ZNF438: variants seen among roughly 807,000 people sequenced by gnomAD.
ZNF438 encodes zinc finger protein 438.
In ZNF438, 25 loss-of-function variants were observed where a neutral mutation model predicts 38.0. The observed-to-expected ratio is 0.66, with a 90% confidence interval of 0.48 to 0.92. The LOEUF (loss-of-function observed/expected upper bound fraction) is 0.92, where lower values mean the gene tolerates loss of function less well. Ranked by LOEUF, ZNF438 falls within the 40% of genes least tolerant of loss-of-function variation. The probability of loss-of-function intolerance (pLI) is 0.00; values close to 1 mark genes in which losing one functional copy is unlikely to be tolerated. For synonymous variants in ZNF438, 372 were observed against 364.1 expected, an observed-to-expected ratio of 1.02 and a Z score of -0.25; for missense variants, 1,007 against 999.6, an observed-to-expected ratio of 1.01 and a Z score of -0.10.
Position 30,994,402 on chromosome 10 carries a change from G to T in ZNF438, c.-192+37431C>A, listed in dbSNP as rs186462065. Among the ~76,000 whole-genome samples, 65 of 152,338 alleles carry T rather than the reference G, an allele frequency of 4.3e-4. 1 individual carries two copies. The East Asian group carries it at 0.01, about 23-fold the overall frequency. On this transcript the variant is annotated intron_variant, in intron 1 of 5. Transcript: ENST00000413025. The stretch of plus-strand genomic sequence containing the variant: ...GGGTTCTGCTCTCATGAATGGATTA[G>T]TAGATTAATAAGTTACTGGATTAAT...
intron 2 of ZNF438, among the ~76,000 whole-genome samples, chr10:30,924,790 G>A (rs934257634): frequency 1.3e-5 from 2 of 152,120 alleles, no homozygotes; most frequent in Admixed American, 6.5e-5. Flanking sequence ...TATGGCTATT[G>A]AATGCAATGT....
chr10:30,874,402 A>G (rs1184273486), intron 4 of ZNF438, among the ~76,000 whole-genome samples: 1 of 151,920 alleles, frequency 6.6e-6, no homozygotes, highest in Non-Finnish European at 1.5e-5. Flanking sequence ...CTCCCACCTC[A>G]GCCTCCCAAA....
At chr10:30,985,637 C>T (rs2052689333) in intron 1 of ZNF438, among the ~76,000 whole-genome samples, 1 of 152,208 alleles carries the variant, frequency 6.6e-6, no homozygotes, top group African/African-American at 2.4e-5. Flanking sequence ...TTAATTGCTA[C>T]TTAAAAATCA....
chr10:30,945,440 G>T (rs2047288075), intron 1 of ZNF438, among the ~76,000 whole-genome samples: 2 of 146,654 alleles, frequency 1.4e-5, no homozygotes, highest in Non-Finnish European at 1.5e-5. Flanking sequence ...TTAAGTTTTA[G>T]GTGCACATTG....
intron 3 of ZNF438, among the ~76,000 whole-genome samples, chr10:30,885,106 T>C (rs1281254193): frequency 6.6e-6 from 1 of 152,254 alleles, no homozygotes; most frequent in Non-Finnish European, 1.5e-5. Context: ...CACACTGACA[T>C]ACTGTCATTC....
intron 2 of ZNF438, among the ~76,000 whole-genome samples, chr10:30,918,802 A>G (rs1039872230): frequency 3.9e-5 from 6 of 152,174 alleles, no homozygotes; most frequent in African/African-American, 1.4e-4. Flanking sequence ...TTTTAAGTAG[A>G]TTATCTGATG....
At chr10:30,901,407 G>C (rs763417765) in intron 3 of ZNF438, among the ~76,000 whole-genome samples, 2 of 151,604 alleles carry the variant, frequency 1.3e-5, no homozygotes, top group Non-Finnish European at 2.9e-5. Flanking sequence ...TCTTAAAGGC[G>C]GCACGTCCGG....
chr10:30,905,213 A>G (rs538711123), intron 3 of ZNF438, among the ~76,000 whole-genome samples: 1 of 152,342 alleles, frequency 6.6e-6, no homozygotes, highest in South Asian at 2.1e-4. Context: ...TTTCCGAACA[A>G]ATTTTCCATT....
intron 2 of ZNF438, among the ~76,000 whole-genome samples, chr10:30,922,329 G>A (rs938062709): frequency 2.6e-5 from 4 of 152,160 alleles, no homozygotes; most frequent in Non-Finnish European, 4.4e-5. Flanking sequence ...TGTGATGGTT[G>A]TCATGGAGGC....
chr10:30,991,915 G>C (rs1478115636), intron 1 of ZNF438, among the ~76,000 whole-genome samples: 1 of 152,178 alleles, frequency 6.6e-6, no homozygotes, highest in Non-Finnish European at 1.5e-5. Context: ...TGATCAAACA[G>C]TGGCTGAACA....
chr10:30,907,079 A>G (rs915455285), intron 3 of ZNF438, among the ~76,000 whole-genome samples: 1 of 152,154 alleles, frequency 6.6e-6, no homozygotes, highest in Non-Finnish European at 1.5e-5. Context: ...GGTTCAAGCT[A>G]TTCACCTGCC....
At chr10:30,847,594 G>T (rs1220667408) in intron 5 of ZNF438, among the ~76,000 whole-genome samples, 1 of 144,220 alleles carries the variant, frequency 6.9e-6, no homozygotes, top group Non-Finnish European at 1.5e-5. Flanking sequence ...CACGCCTCTT[G>T]CTTGCCACAC....
intron 1 of ZNF438, among the ~76,000 whole-genome samples, chr10:30,944,877 T>C (rs1034408278): frequency 5.3e-5 from 8 of 152,228 alleles, no homozygotes; most frequent in African/African-American, 1.2e-4. Context: ...TTATCCCTTA[T>C]ATATTTCCTG....
At chr10:30,944,660 C>T (rs1450357915) in intron 1 of ZNF438, among the ~76,000 whole-genome samples, 1 of 152,232 alleles carries the variant, frequency 6.6e-6, no homozygotes, top group East Asian at 1.9e-4. Flanking sequence ...GATATAGCAG[C>T]ATTCAGATTT....
At chr10:30,990,520 C>A (rs374269161) in intron 1 of ZNF438, among the ~76,000 whole-genome samples, 1 of 152,300 alleles carries the variant, frequency 6.6e-6, no homozygotes, top group African/African-American at 2.4e-5. Context: ...GGCATAGGAC[C>A]CAGTAATCTG....
chr10:30,954,311 A>G (rs2048617465), intron 1 of ZNF438, among the ~76,000 whole-genome samples: 1 of 152,158 alleles, frequency 6.6e-6, no homozygotes, highest in Non-Finnish European at 1.5e-5. Context: ...TTTTTAAAGA[A>G]CCAGGACTTG....
At chr10:30,971,824 G>T (rs888066059) in intron 1 of ZNF438, among the ~76,000 whole-genome samples, 59 of 151,884 alleles carry the variant, frequency 3.9e-4, no homozygotes, top group Admixed American at 1.6e-3. Context: ...AAAACCACTC[G>T]GTGTATTTAA....
At chr10:31,013,297 C>A (rs988474534) in intron 1 of ZNF438, among the ~76,000 whole-genome samples, 3 of 151,658 alleles carry the variant, frequency 2.0e-5, no homozygotes, top group Non-Finnish European at 2.9e-5. Context: ...CCAGCCTGGG[C>A]GACAGAGCGA....
chr10:30,911,299 G>A (rs914827596), intron 2 of ZNF438, among the ~76,000 whole-genome samples: 5 of 152,100 alleles, frequency 3.3e-5, no homozygotes, highest in African/African-American at 1.2e-4. Flanking sequence ...TGAGATAGGG[G>A]CCCTGTCTTT....
Sources: gnomAD v4.1 joint callset for allele counts (sites outside exome capture counted in the v4.1 genomes callset) on GRCh38, gnomAD v4.1.1 for gene constraint, MANE v1.5 for transcripts, NCBI Gene and HGNC (gene_info 2026-07-23, HGNC 2026-07-21) for gene names.